The following USP6NL variants were observed in gnomAD, a reference collection of about 807,000 sequenced individuals.
The protein encoded by USP6NL is USP6 N-terminal-like protein.
A neutral mutation model predicts 61.9 loss-of-function variants in USP6NL; 26 were observed. The observed-to-expected ratio is 0.42, with a 90% CI of 0.31 to 0.58. USP6NL has a LOEUF of 0.58. USP6NL is among the 20% of genes least tolerant of loss of function. The pLI, the probability that USP6NL is intolerant of heterozygous loss-of-function variation, is 0.16. For synonymous variants in USP6NL, 432 were observed against 390.1 expected, an observed-to-expected ratio of 1.11 and a Z score of -1.27; for missense variants, 1,114 against 1,034.3, an observed-to-expected ratio of 1.08 and a Z score of -1.06.
chr10:11,574,013 A>C lies in USP6NL; in HGVS notation c.4+23618T>G, dbSNP rs1837456453. 6.6e-6 allele frequency among the ~76,000 whole-genome samples: 1 copy of C among 152,228 alleles called. No individual in the cohort carries two copies. The highest frequency in any genetic ancestry group is 2.4e-5 in the African/African-American group (1 of 41,458). Reference sequence around the variant, plus strand: ...GTGGGTAATCTTCTGTAAATCACTAAGCAAAGTGAAAACATTTTCTCACAA... The same window carrying C: ...GTGGGTAATCTTCTGTAAATCACTACGCAAAGTGAAAACATTTTCTCACAA... On this transcript the variant is annotated intron_variant, in intron 2 of 14. Coordinates refer to ENST00000609104, the MANE Select transcript of USP6NL (RefSeq NM_014688.5). The surrounding 1 kb of genome is among the most constrained non-coding windows in gnomAD (Gnocchi z 4.3).
Position 11,485,751 on chromosome 10 carries a change from T to A in USP6NL, c.759+66A>T, listed in dbSNP as rs1453478033. 2.3e-5 allele frequency: 24 copies of A among 1,065,832 alleles called. 1 individual carries two copies. Among genetic ancestry groups the A allele is most frequent in the African/African-American group, 3.2e-5 (2 of 61,856 alleles). The allele number at this position is 1,065,832 out of a possible 1,614,324, so 66.0% of individuals were successfully genotyped here. On this transcript the variant is annotated intron_variant, in intron 11 of 14. Transcript: ENST00000609104. The surrounding 1 kb of genome is among the most constrained non-coding windows in gnomAD (Gnocchi z 4.8). Reference sequence around the variant, plus strand: ...AATAAGGTAATTGGACCAAAGACAATTTAATTATCCCAGCTTTTTTTGGGG... The same window carrying A: ...AATAAGGTAATTGGACCAAAGACAAATTAATTATCCCAGCTTTTTTTGGGG...
intron 10 of USP6NL, among the ~76,000 whole-genome samples, chr10:11,488,033 T>C (rs1833546817): frequency 6.6e-6 from 1 of 152,184 alleles, no homozygotes; most frequent in African/African-American, 2.4e-5. Context: ...TTAGAATAAC[T>C]AGTGTTAAAA....
chr10:11,497,412 A>C lies in USP6NL; in HGVS notation c.384+3689T>G, dbSNP rs1429698165. The stretch of plus-strand genomic sequence containing the variant: ...GGCAACAAGAGTGAGACTCAGTCTC[A>C]AAAAAAAAAAAAAAAGAAAGAAAAA... On this transcript the variant is annotated intron_variant, in intron 7 of 14. Coordinates refer to ENST00000609104, the MANE Select transcript of USP6NL (RefSeq NM_014688.5). 9.0e-5 allele frequency among the ~76,000 whole-genome samples: 3 copies of C among 33,262 alleles called. No homozygotes were observed. The Admixed American group carries it at 1.2e-3, about 13-fold the overall frequency. The allele number at this position is 33,262 out of a possible 152,430, so 21.8% of individuals were successfully genotyped here. A position where few individuals can be genotyped will look rare whatever the true frequency, so the allele number is the denominator to read the frequency against.
rs1838401188 is a variant in USP6NL at position 11,598,441 on chromosome 10, C to T, written c.-83-724G>A. Among the ~76,000 whole-genome samples, 1 of 152,048 alleles carries T rather than the reference C, an allele frequency of 6.6e-6. No individual in the cohort carries two copies. Among genetic ancestry groups the T allele is most frequent in the Non-Finnish European group, 1.5e-5 (1 of 67,992 alleles). ...TGTTAGTATTAATACAAACTTAACC[C>T]TTTGCTAAGATTTACTTTATAAATC... On this transcript the variant is annotated intron_variant, in intron 1 of 14. Coordinates refer to ENST00000609104, the MANE Select transcript of USP6NL (RefSeq NM_014688.5). This position sits in a 1 kb window ranked among gnomAD's most constrained non-coding sequence, Gnocchi z 4.7.
chr10:11,479,078 T>C (rs1017892303), intron 14 of USP6NL, among the ~76,000 whole-genome samples: 7 of 152,226 alleles, frequency 4.6e-5, no homozygotes, highest in East Asian at 1.9e-4. Context: ...GATTTCATCA[T>C]ACTCAATTAT....
chr10:11,608,515 T>C (rs1838778410), intron 1 of USP6NL, among the ~76,000 whole-genome samples: 1 of 152,146 alleles, frequency 6.6e-6, no homozygotes, highest in Non-Finnish European at 1.5e-5. Context: ...ACCCTCAAAG[T>C]TTCCCACACA....
intron 5 of USP6NL, among the ~76,000 whole-genome samples, chr10:11,514,349 T>G (rs1384317152): frequency 6.6e-6 from 1 of 151,072 alleles, no homozygotes; most frequent in East Asian, 1.9e-4. Flanking sequence ...GGTGTTTGGG[T>G]TTTTTTTTCT....
chr10:11,503,920 C>T (rs1270063205), intron 6 of USP6NL, among the ~76,000 whole-genome samples: 2 of 152,064 alleles, frequency 1.3e-5, no homozygotes, highest in Non-Finnish European at 2.9e-5. Flanking sequence ...TGACCACGGC[C>T]CATGGTTTTG....
At chr10:11,555,034 G>A (rs1435897845) in intron 2 of USP6NL, among the ~76,000 whole-genome samples, 1 of 142,310 alleles carries the variant, frequency 7.0e-6, no homozygotes, top group African/African-American at 2.6e-5. Flanking sequence ...TCGATCTCCT[G>A]ACCTCATGAT....
chr10:11,521,207 GT>G (rs1185037890), intron 4 of USP6NL, among the ~76,000 whole-genome samples: 1 of 151,132 alleles, frequency 6.6e-6, no homozygotes, highest in Non-Finnish European at 1.5e-5. Flanking sequence ...TTTTATTTTT[GT>G]TTTTAAAGTA....
At position 11,468,781 on chromosome 10, in the gene USP6NL, G is replaced by C. The variant is rs1832594096; in HGVS notation, c.1079-4932C>G. On this transcript the variant is annotated intron_variant, in intron 14 of 14. Transcript: ENST00000609104. The surrounding 1 kb of genome is among the most constrained non-coding windows in gnomAD (Gnocchi z 4.5). ...CACAGAGGAGGCACATATCAGTAAA[G>C]ACTGAGCTGGACACATAGTAAAATG... Among the ~76,000 whole-genome samples the C allele has an allele frequency of 6.6e-6, 1 of 152,194 alleles. No individual in the cohort carries two copies. Among genetic ancestry groups the C allele is most frequent in the African/African-American group, 2.4e-5 (1 of 41,446 alleles).
At chr10:11,507,864 A>C (rs1834525609) in intron 6 of USP6NL, among the ~76,000 whole-genome samples, 2 of 152,212 alleles carry the variant, frequency 1.3e-5, no homozygotes, top group Non-Finnish European at 2.9e-5. Flanking sequence ...AGCAGAAAAA[A>C]GTTAAATGCC....
chr10:11,597,312 G>A lies in USP6NL; in HGVS notation c.4+319C>T, dbSNP rs139045625. Among the ~76,000 whole-genome samples, 69 of 152,178 alleles carry A rather than the reference G, an allele frequency of 4.5e-4. 1 individual carries two copies. Among genetic ancestry groups the A allele is most frequent in the African/African-American group, 1.7e-3 (69 of 41,506 alleles). ...AAATCTCTACTAATTATGGTCAACTGCAATGTTCCCTATTCATATTTCTGA... is the reference window on the plus strand; with the variant it reads ...AAATCTCTACTAATTATGGTCAACTACAATGTTCCCTATTCATATTTCTGA... On this transcript the variant is annotated intron_variant, in intron 2 of 14. Coordinates refer to ENST00000609104, the MANE Select transcript of USP6NL (RefSeq NM_014688.5). This position sits in a 1 kb window ranked among gnomAD's most constrained non-coding sequence, Gnocchi z 4.6.
chr10:11,533,455 A>T (rs557479196), intron 2 of USP6NL, among the ~76,000 whole-genome samples: 1 of 152,214 alleles, frequency 6.6e-6, no homozygotes, highest in Non-Finnish European at 1.5e-5. Context: ...TCAGCTAAGG[A>T]TCTTGAGTTC....
rs537300812 is a variant in USP6NL at position 11,518,591 on chromosome 10, G to C, written c.156-17C>G. 4.2e-5 allele frequency: 67 copies of C among 1,604,210 alleles called. No homozygotes were observed. The Middle Eastern group carries it at 8.3e-4, about 20-fold the overall frequency. Reference sequence around the variant, plus strand: ...TCCTCCTCACTGCAGAGGAAAAACAGTATTATATGAAATTGTTGAAATCAA... The same window carrying C: ...TCCTCCTCACTGCAGAGGAAAAACACTATTATATGAAATTGTTGAAATCAA... On this transcript the variant is annotated splice_polypyrimidine_tract_variant and intron_variant, in intron 4 of 14. Coordinates refer to ENST00000609104, the MANE Select transcript of USP6NL (RefSeq NM_014688.5). The surrounding 1 kb of genome is among the most constrained non-coding windows in gnomAD (Gnocchi z 5.3).
chr10:11,574,826 C>G lies in USP6NL; in HGVS notation c.4+22805G>C, dbSNP rs1837483796. Among the ~76,000 whole-genome samples, 1 of 152,188 alleles carries G rather than the reference C, an allele frequency of 6.6e-6. No individual in the cohort carries two copies. Among genetic ancestry groups the G allele is most frequent in the Admixed American group, 6.5e-5 (1 of 15,282 alleles). On this transcript the variant is annotated intron_variant, in intron 2 of 14. Coordinates refer to ENST00000609104, the MANE Select transcript of USP6NL (RefSeq NM_014688.5). This position sits in a 1 kb window ranked among gnomAD's most constrained non-coding sequence, Gnocchi z 4.3. ...CCCATTTTTCAGCTGGACAACTGAG[C>G]ACAGTGAATCAACCAAGGTTACAAG...
rs1835709170 is a variant in USP6NL at position 11,532,781 on chromosome 10, A to G, written c.5-5214T>C. On this transcript the variant is annotated intron_variant, in intron 2 of 14. Transcript: ENST00000609104. The surrounding 1 kb of genome is among the most constrained non-coding windows in gnomAD (Gnocchi z 4.1). ...TAATAATTCTTAATGTGAAAATTGT[A>G]GCCTCTGTTTCAGCCCGTTTCAGAC... is the stretch of plus-strand genomic sequence containing the variant. Among the ~76,000 whole-genome samples, 1 of 152,248 alleles carries G rather than the reference A, an allele frequency of 6.6e-6. No individual in the cohort carries two copies. Among genetic ancestry groups the G allele is most frequent in the Admixed American group, 6.5e-5 (1 of 15,284 alleles).
At chr10:11,531,546 G>C (rs1230714103) in intron 2 of USP6NL, among the ~76,000 whole-genome samples, 1 of 151,748 alleles carries the variant, frequency 6.6e-6, no homozygotes, top group East Asian at 1.9e-4. Flanking sequence ...TCAAGCTCTT[G>C]ACCTCAGGTG....
At chr10:11,552,320 T>C (rs1836520978) in intron 2 of USP6NL, among the ~76,000 whole-genome samples, 1 of 152,244 alleles carries the variant, frequency 6.6e-6, no homozygotes, top group South Asian at 2.1e-4. Context: ...GTCAGGATAG[T>C]GAGTCATCCT....
Sources: allele counts gnomAD v4.1 joint callset (sites outside exome capture counted in the v4.1 genomes callset), GRCh38; gene constraint gnomAD v4.1.1; non-coding constraint Gnocchi (gnomAD v3.1); transcripts MANE v1.5; gene names NCBI Gene and HGNC (gene_info 2026-07-23, HGNC 2026-07-21).